Variants in GRIP2 observed in about 807,000 individuals in gnomAD.
The protein encoded by GRIP2 is glutamate receptor-interacting protein 2.
A neutral mutation model predicts 108.3 loss-of-function variants in GRIP2; 58 were observed. The observed-to-expected ratio is 0.54, with a 90% CI of 0.43 to 0.67. GRIP2 has a LOEUF of 0.67. Among genes scored for constraint, GRIP2 ranks in the 30% least tolerant of loss-of-function variants. GRIP2 has a pLI of 0.00. For missense variants in GRIP2, 1,278 were observed against 1,430.6 expected (o/e 0.89, Z 1.72); for synonymous variants, 586 against 598.2 (o/e 0.98, Z 0.30).
At chr3:14,539,373 G>A (rs927429818) in intron 1 of GRIP2, among the ~76,000 whole-genome samples, 1 of 152,164 alleles carries the variant, frequency 6.6e-6, no homozygotes, top group Admixed American at 6.5e-5. Flanking sequence ...CATGGGAAGG[G>A]AGGTGGGAAT....
the GRIP2 span, among the ~76,000 whole-genome samples, chr3:14,577,620 T>C: frequency 1.4e-4 from 21 of 152,324 alleles, no homozygotes; most frequent in African/African-American, 4.6e-4. Flanking sequence ...AGGACAGCTT[T>C]ATCAAAATAA....
the GRIP2 span, among the ~76,000 whole-genome samples, chr3:14,602,848 G>A: frequency 5.9e-5 from 9 of 151,348 alleles, no homozygotes; most frequent in African/African-American, 1.7e-4. The surrounding 1 kb of genome is among the most constrained non-coding windows in gnomAD (Gnocchi z 4.7). Flanking sequence ...TGTGCGCCCC[G>A]GGCCAGCTCA....
rs1178509956 is a variant in GRIP2 at position 14,522,935 on chromosome 3, ACCTT to A, written c.566+61_566+64del. 15 of 1,370,818 alleles carry A rather than the reference ACCTT, an allele frequency of 1.1e-5. No homozygotes were observed. The highest frequency in any genetic ancestry group is 1.5e-5 in the Non-Finnish European group (14 of 958,778). The allele number at this position is 1,370,818 out of a possible 1,614,324, so 84.9% of individuals were successfully genotyped here. A position where few individuals can be genotyped will look rare whatever the true frequency, so the allele number is the denominator to read the frequency against. ...GGAAGGGGCATGGTGACCCCACTCC[ACCTT>A]CTTCGCAGGGGAGTTGGGGCAGGTC... On this transcript the variant is annotated intron_variant, in intron 6 of 23. Coordinates refer to ENST00000621039, the MANE Select transcript of GRIP2 (RefSeq NM_001080423.4). This position sits in a 1 kb window ranked among gnomAD's most constrained non-coding sequence, Gnocchi z 4.3.
At chr3:14,555,976 A>G (rs2124986641) in exon 1 of GRIP2, 2 of 399,030 alleles carry the variant, frequency 5.0e-6, no homozygotes, top group East Asian at 7.1e-5. Flanking sequence ...GCCCTCCGGC[A>G]GAGCCCTGTG....
the GRIP2 span, among the ~76,000 whole-genome samples, chr3:14,594,809 G>C: frequency 6.6e-6 from 1 of 152,338 alleles, no homozygotes; most frequent in East Asian, 1.9e-4. Flanking sequence ...ATTAAGTATA[G>C]TACCTACCTC....
the GRIP2 span, chr3:14,572,860 G>A: frequency 1.7e-6 from 2 of 1,167,742 alleles, no homozygotes; most frequent in Non-Finnish European, 2.6e-6. Context: ...CGGTGGAGCT[G>A]AGCATCCAGT....
At position 14,493,807 on chromosome 3, in the gene GRIP2, C is replaced by G. The variant is rs753857586; in HGVS notation, c.2990G>C (p.Arg997Pro). The G allele has an allele frequency of 2.5e-6, 4 of 1,612,568 alleles. No homozygotes were observed. The highest frequency in any genetic ancestry group is 1.1e-5 in the South Asian group (1 of 90,952). The change falls in exon 24 of 24, where the codon CGG (arginine) becomes CCG (proline). Residue 997 changes from arginine (R) to proline (P), a missense_variant. Physicochemically the swap from Arg to Pro is moderately radical, Grantham distance 103. Transcript: ENST00000621039. Reference sequence around the variant, plus strand: ...CACCGCCAGGCAGCAGTCGAAGTCCCGTGTACGGACGTGGTTGACCTGCAT... The same window carrying G: ...CACCGCCAGGCAGCAGTCGAAGTCCGGTGTACGGACGTGGTTGACCTGCAT... ...RVLQVNHVRT[R>P]DFDCCLAVPL... is the part of the protein sequence containing the mutation.
rs183947777 is a variant in GRIP2 at position 14,510,071 on chromosome 3, C to T, written c.1934-107G>A. The T allele has an allele frequency of 1.8e-3, 1,856 of 1,046,104 alleles. 4 individuals carry two copies. The highest frequency in any genetic ancestry group is 2.2e-3 in the Non-Finnish European group (1,760 of 794,822). 64.8% of individuals were successfully genotyped at this position (1,046,104 alleles called of 1,614,324 possible). ...ATACTTATTTATTAATTCATTCACCCAGTCACTCACGCTCTGATTTCATGT... is the reference window on the plus strand; with the variant it reads ...ATACTTATTTATTAATTCATTCACCTAGTCACTCACGCTCTGATTTCATGT... On this transcript the variant is annotated intron_variant, in intron 16 of 23. Transcript: ENST00000621039.
In GRIP2 at chr3:14,525,944, A is replaced by G; in HGVS notation, c.41-13T>C. 1 of 1,552,548 alleles carries G rather than the reference A, an allele frequency of 6.4e-7. No individual in the cohort carries two copies. Among genetic ancestry groups the G allele is most frequent in the African/African-American group, 1.4e-5 (1 of 73,288 alleles). Reference sequence around the variant, plus strand: ...TAGGGCCCATCGTCTGCAGGAGAGAAAGAGGGAAAGGCCGAGTTCCACTTT... The same window carrying G: ...TAGGGCCCATCGTCTGCAGGAGAGAGAGAGGGAAAGGCCGAGTTCCACTTT... On this transcript the variant is annotated splice_polypyrimidine_tract_variant and intron_variant, in intron 1 of 23. Transcript: ENST00000621039.
At chr3:14,571,919 G>A in the GRIP2 span, among the ~76,000 whole-genome samples, 4 of 152,356 alleles carry the variant, frequency 2.6e-5, no homozygotes, top group African/African-American at 4.8e-5. Context: ...CATTGCTGAG[G>A]TTGTGGAGCA....
chr3:14,504,038 C>A, intron 20 of GRIP2: 1 of 265,252 alleles, frequency 3.8e-6, no homozygotes. Flanking sequence ...CCTGGCCCCA[C>A]CCAGACACAC....
chr3:14,561,201 C>T, the GRIP2 span, among the ~76,000 whole-genome samples: 1 of 152,346 alleles, frequency 6.6e-6, no homozygotes, highest in South Asian at 2.1e-4. Flanking sequence ...GGAACAGAGG[C>T]TCCCTTAAAG....
intron 21 of GRIP2, among the ~76,000 whole-genome samples, chr3:14,501,585 T>TA (rs1464285829): frequency 6.6e-6 from 1 of 152,146 alleles, no homozygotes; most frequent in Non-Finnish European, 1.5e-5. Flanking sequence ...AATAACTAGC[T>TA]AAAAAAGCAG....
At position 14,522,933 on chromosome 3, in the gene GRIP2, C is replaced by G; in HGVS notation, c.566+67G>C. The stretch of plus-strand genomic sequence containing the variant: ...GGGGAAGGGGCATGGTGACCCCACT[C>G]CACCTTCTTCGCAGGGGAGTTGGGG... On this transcript the variant is annotated intron_variant, in intron 6 of 23. Transcript: ENST00000621039. This position sits in a 1 kb window ranked among gnomAD's most constrained non-coding sequence, Gnocchi z 4.3. 7.4e-7 allele frequency: 1 copy of G among 1,357,214 alleles called. No individual in the cohort carries two copies. The highest frequency in any genetic ancestry group is 1.1e-6 in the Non-Finnish European group (1 of 946,234). The allele number at this position is 1,357,214 out of a possible 1,614,324, so 84.1% of individuals were successfully genotyped here.
chr3:14,582,426 T>C, the GRIP2 span, among the ~76,000 whole-genome samples: 1 of 152,234 alleles, frequency 6.6e-6, no homozygotes, highest in Non-Finnish European at 1.5e-5. Flanking sequence ...GACATCTGGA[T>C]GGATCTAAAG....
chr3:14,596,566 G>A, the GRIP2 span, among the ~76,000 whole-genome samples: 6,083 of 152,160 alleles, frequency 0.04, 148 homozygotes, highest in South Asian at 0.069. Context: ...ACTAGTCACC[G>A]GGAATACAGT....
At chr3:14,531,026 G>A (rs1694697181) in intron 1 of GRIP2, 1 of 152,112 alleles carries the variant, frequency 6.6e-6, no homozygotes, top group South Asian at 2.1e-4. Context: ...TTCTTGCACA[G>A]AGGCCATGCT....
intron 1 of GRIP2, among the ~76,000 whole-genome samples, chr3:14,530,381 T>C (rs1224395154): frequency 6.7e-6 from 1 of 149,622 alleles, no homozygotes; most frequent in Admixed American, 6.7e-5. Flanking sequence ...CCTGCACTCA[T>C]CCTACTTGTT....
intron 1 of GRIP2, among the ~76,000 whole-genome samples, chr3:14,532,598 G>A (rs1459006428): frequency 6.6e-6 from 1 of 152,068 alleles, no homozygotes; most frequent in African/African-American, 2.4e-5. Flanking sequence ...GCCCCCAACA[G>A]AGAACCATTG....
Sources: gnomAD v4.1 joint callset for allele counts (sites outside exome capture counted in the v4.1 genomes callset) on GRCh38, gnomAD v4.1.1 for gene constraint, Gnocchi (gnomAD v3.1) non-coding constraint, MANE v1.5 for transcripts, NCBI Gene and HGNC (gene_info 2026-07-23, HGNC 2026-07-21) for gene names.